The following SPAG16 variants were observed in gnomAD, a reference collection of about 807,000 sequenced individuals.
The protein encoded by SPAG16 is sperm-associated antigen 16 protein.
A neutral mutation model predicts 80.4 loss-of-function variants in SPAG16; 86 were observed. The observed-to-expected ratio is 1.07, with a 90% confidence interval of 0.90 to 1.28. The LOEUF is 1.28. Ranked by LOEUF, SPAG16 falls within the 50% of genes most tolerant of loss-of-function variation. SPAG16 has a pLI of 0.00. For missense variants in SPAG16, 870 were observed against 765.3 expected (o/e 1.14, Z -1.61); for synonymous variants, 294 against 265.9 (o/e 1.11, Z -1.03).
chr2:213,326,046 G>A (rs944235116), intron 5 of SPAG16, among the ~76,000 whole-genome samples: 4 of 151,874 alleles, frequency 2.6e-5, no homozygotes, highest in Non-Finnish European at 5.9e-5. Flanking sequence ...CAGTCTTGCC[G>A]TATTTTGAGT....
chr2:214,326,013 T>C (rs1392820726), intron 15 of SPAG16, among the ~76,000 whole-genome samples: 2 of 152,186 alleles, frequency 1.3e-5, no homozygotes, highest in Non-Finnish European at 2.9e-5. Flanking sequence ...GTGGATTGAA[T>C]AGCCCCTTCC....
At chr2:213,609,333 G>A (rs1375881101) in intron 10 of SPAG16, among the ~76,000 whole-genome samples, 1 of 152,124 alleles carries the variant, frequency 6.6e-6, no homozygotes, top group Non-Finnish European at 1.5e-5. Flanking sequence ...TAGAGCAATG[G>A]TAACCTCTTT....
intron 11 of SPAG16, among the ~76,000 whole-genome samples, chr2:213,874,530 G>T (rs1356795404): frequency 1.3e-5 from 2 of 152,018 alleles, no homozygotes; most frequent in Non-Finnish European, 2.9e-5. Flanking sequence ...AAGTTCTTCA[G>T]GGGCATAATA....
At chr2:213,368,020 C>T (rs1291486965) in intron 8 of SPAG16, among the ~76,000 whole-genome samples, 3 of 147,526 alleles carry the variant, frequency 2.0e-5, no homozygotes, top group Admixed American at 6.9e-5. Context: ...AGCCAGTTTT[C>T]CCAGCACCAC....
At chr2:214,410,110 C>G (rs1164140371) in intron 15 of SPAG16, 30 bp from the exon 16 acceptor site, 2 of 1,519,488 alleles carry the variant, frequency 1.3e-6, no homozygotes, top group South Asian at 2.3e-5. Context: ...TTGATTCATT[C>G]TCTCTCTCTC....
chr2:213,586,384 G>A (rs2060473999), intron 10 of SPAG16, among the ~76,000 whole-genome samples: 1 of 152,118 alleles, frequency 6.6e-6, no homozygotes, highest in Non-Finnish European at 1.5e-5. Flanking sequence ...CGGTAGAAGG[G>A]AACAAGACAG....
chr2:214,202,330 GA>G lies in SPAG16; in HGVS notation c.1720+53068del, dbSNP rs527914188. Among the ~76,000 whole-genome samples, 4 of 152,132 alleles carry G rather than the reference GA, an allele frequency of 2.6e-5. 1 individual carries two copies. The highest frequency in any genetic ancestry group is 5.9e-5 in the Non-Finnish European group (4 of 68,014). On this transcript the variant is annotated intron_variant, in intron 15 of 15. Coordinates refer to ENST00000331683, the MANE Select transcript of SPAG16 (RefSeq NM_024532.5). ...TTGATGACAAAAGTATTTACAGAAA[GA>G]AAAGAGGGATAAGGAAAGATATTTG...
chr2:213,813,148 C>T (rs1252653565), intron 10 of SPAG16, among the ~76,000 whole-genome samples: 1 of 152,048 alleles, frequency 6.6e-6, no homozygotes, highest in Non-Finnish European at 1.5e-5. Flanking sequence ...TTTTTCTGAA[C>T]CCCTCAGAGA....
intron 15 of SPAG16, among the ~76,000 whole-genome samples, chr2:214,396,696 G>A (rs1281313846): frequency 6.6e-6 from 1 of 151,940 alleles, no homozygotes; most frequent in Non-Finnish European, 1.5e-5. Flanking sequence ...CAGCAAAATA[G>A]TATGGTTTCT....
intron 6 of SPAG16, among the ~76,000 whole-genome samples, chr2:213,347,617 T>C (rs1413972621): frequency 6.6e-6 from 1 of 152,206 alleles, no homozygotes; most frequent in East Asian, 1.9e-4. Context: ...AAGAACATCT[T>C]TATTTCTGCC....
chr2:214,389,238 A>G (rs770599221), intron 15 of SPAG16, among the ~76,000 whole-genome samples: 4 of 152,246 alleles, frequency 2.6e-5, no homozygotes, highest in Non-Finnish European at 5.9e-5. Context: ...TTTCAAAACA[A>G]CTTATCACAA....
In SPAG16 at chr2:214,193,403, G is replaced by A. The variant is rs1440245505; in HGVS notation, c.1720+44137G>A. ...ATTCAAAGAGATCTTTTATGTGTGT[G>A]TGTGTGTGTGTGTGTGTGTGTATGA... On this transcript the variant is annotated intron_variant, in intron 15 of 15. Coordinates refer to ENST00000331683, the MANE Select transcript of SPAG16 (RefSeq NM_024532.5). Among the ~76,000 whole-genome samples the A allele has an allele frequency of 2.4e-5, 3 of 126,698 alleles. No individual in the cohort carries two copies. The East Asian group carries it at 6.6e-4, about 28-fold the overall frequency. 83.1% of individuals were successfully genotyped at this position (126,698 alleles called of 152,430 possible). A position where few individuals can be genotyped will look rare whatever the true frequency, so the allele number is the denominator to read the frequency against.
At position 214,257,029 on chromosome 2, in the gene SPAG16, C is replaced by T. The variant is rs191043337; in HGVS notation, c.1720+107763C>T. 2.2e-4 allele frequency among the ~76,000 whole-genome samples: 34 copies of T among 151,826 alleles called. No homozygotes were observed. In the East Asian group the frequency reaches 5.0e-3, roughly 22 times the overall value. On this transcript the variant is annotated intron_variant, in intron 15 of 15. Coordinates refer to ENST00000331683, the MANE Select transcript of SPAG16 (RefSeq NM_024532.5). ...TAATTATATTTTGTATCTTGCAATCCGTGGAAATGATGAATCTCATGACTT... is the reference window on the plus strand; with the variant it reads ...TAATTATATTTTGTATCTTGCAATCTGTGGAAATGATGAATCTCATGACTT...
chr2:213,390,659 T>C (rs1367032564), intron 9 of SPAG16, among the ~76,000 whole-genome samples: 1 of 152,198 alleles, frequency 6.6e-6, no homozygotes, highest in Non-Finnish European at 1.5e-5. Context: ...GTAAAATTAT[T>C]AGATTATTTG....
intron 15 of SPAG16, among the ~76,000 whole-genome samples, chr2:214,359,718 T>A (rs1034040577): frequency 6.6e-6 from 1 of 151,868 alleles, no homozygotes; most frequent in Non-Finnish European, 1.5e-5. Context: ...ACAGAATGTA[T>A]CTCAATGCCC....
At chr2:213,803,544 G>GA (rs1575180728) in intron 10 of SPAG16, among the ~76,000 whole-genome samples, 1 of 151,592 alleles carries the variant, frequency 6.6e-6, no homozygotes, top group Admixed American at 6.6e-5. Flanking sequence ...TTTTTTAAAA[G>GA]AAAAAAACGT....
chr2:213,358,506 C>G (rs925928469), intron 7 of SPAG16, among the ~76,000 whole-genome samples: 1 of 152,080 alleles, frequency 6.6e-6, no homozygotes, highest in African/African-American at 2.4e-5. Flanking sequence ...TTCATTAAGT[C>G]GATCTTCAAT....
intron 15 of SPAG16, among the ~76,000 whole-genome samples, chr2:214,387,830 G>C (rs531472540): frequency 1.3e-5 from 2 of 152,070 alleles, no homozygotes; most frequent in South Asian, 2.1e-4. Context: ...AGAACAGGAT[G>C]GGGGAGCCAC....
intron 10 of SPAG16, among the ~76,000 whole-genome samples, chr2:213,825,701 C>CTTTCTT (rs1183982296): frequency 9.1e-6 from 1 of 109,800 alleles, no homozygotes; most frequent in Non-Finnish European, 1.8e-5. Context: ...TTCTTTCTTT[C>CTTTCTT]TTTTTTTTTT....
Sources: gnomAD v4.1 joint callset for allele counts (sites outside exome capture counted in the v4.1 genomes callset) on GRCh38, gnomAD v4.1.1 for gene constraint, MANE v1.5 for transcripts, NCBI Gene and HGNC (gene_info 2026-07-23, HGNC 2026-07-21) for gene names.